Variants in MPRIP observed in about 807,000 individuals in gnomAD.
MPRIP encodes the protein myosin phosphatase Rho interacting protein.
A neutral mutation model predicts 234.9 loss-of-function variants in MPRIP; 59 were observed. That is an observed-to-expected ratio of 0.25 (90% CI 0.20 to 0.31). The LOEUF is 0.31. MPRIP is among the 10% of genes least tolerant of loss of function. The probability of loss-of-function intolerance (pLI) is 1.00; values close to 1 mark genes in which losing one functional copy is unlikely to be tolerated. For missense variants in MPRIP, 2,436 were observed against 3,071.0 expected (o/e 0.79, Z 4.89); for synonymous variants, 1,144 against 1,263.9 (o/e 0.91, Z 2.01).
chr17:17,149,518 A>C (rs2045551081), intron 11 of MPRIP, among the ~76,000 whole-genome samples: 1 of 151,978 alleles, frequency 6.6e-6, no homozygotes, highest in Admixed American at 6.6e-5. Context: ...TTCCGTATTG[A>C]ACAGATGGAA....
At chr17:17,055,838 G>C (rs932126428) in intron 1 of MPRIP, among the ~76,000 whole-genome samples, 2 of 152,196 alleles carry the variant, frequency 1.3e-5, no homozygotes, top group African/African-American at 4.8e-5. Flanking sequence ...ATTGTTTTGT[G>C]GCGCTGTTGG....
chr17:17,137,184 A>C (rs2090718971), intron 6 of MPRIP, among the ~76,000 whole-genome samples: 1 of 152,090 alleles, frequency 6.6e-6, no homozygotes, highest in African/African-American at 2.4e-5. Flanking sequence ...ACTTCTGTAG[A>C]AGTCCCCTGC....
In MPRIP at chr17:17,142,440, G is replaced by T; in HGVS notation, c.1251-187G>T. On this transcript the variant is annotated intron_variant, in intron 7 of 23. Transcript: ENST00000651222. ...GGTAGGGGCAAGCGCAGGCCTGATG[G>T]GAGGGAGGGCCGTGGAGGGGTGCAG... is the stretch of plus-strand genomic sequence containing the variant. The T allele has an allele frequency of 4.9e-6, 3 of 617,790 alleles. No homozygotes were observed. The East Asian group carries it at 8.8e-5, about 18-fold the overall frequency. The allele number at this position is 617,790 out of a possible 1,614,324, so 38.3% of individuals were successfully genotyped here. A position where few individuals can be genotyped will look rare whatever the true frequency, so the allele number is the denominator to read the frequency against.
chr17:17,144,183 C>G (rs2045405485), intron 9 of MPRIP, among the ~76,000 whole-genome samples: 1 of 152,166 alleles, frequency 6.6e-6, no homozygotes, highest in Admixed American at 6.5e-5. Flanking sequence ...GCATGCTGAC[C>G]CAGCTCCTAC....
At chr17:17,104,787 C>T (rs1234348437) in intron 3 of MPRIP, among the ~76,000 whole-genome samples, 5 of 152,202 alleles carry the variant, frequency 3.3e-5, no homozygotes, top group Middle Eastern at 3.2e-3. Context: ...GTCTCCCTTC[C>T]ATCTTTCATA....
At chr17:17,125,194 G>T (rs1266536644) in intron 3 of MPRIP, among the ~76,000 whole-genome samples, 1 of 152,254 alleles carries the variant, frequency 6.6e-6, no homozygotes, top group African/African-American at 2.4e-5. Context: ...AGAGCACTGA[G>T]CTGGGCTTGA....
chr17:17,106,469 C>T (rs548582975), intron 3 of MPRIP, among the ~76,000 whole-genome samples: 45 of 152,324 alleles, frequency 3.0e-4, no homozygotes, highest in Non-Finnish European at 5.7e-4. Flanking sequence ...GCAGCAAGAG[C>T]GCTCTGGAGC....
In MPRIP at chr17:17,166,312, C is replaced by A; in HGVS notation, c.4721C>A (p.Ser1574Ter). The change falls in exon 16 of 24, where the codon TCG (serine) becomes TAG (stop). Residue 1574 changes from serine to a stop codon, truncating the protein, a stop_gained. Transcript: ENST00000651222. LOFTEE classifies it high-confidence loss of function. This position sits in a 1 kb window ranked among gnomAD's most constrained non-coding sequence, Gnocchi z 4.4. ...TCTGACCAGATTGCTCTGGAGGCCT[C>A]GCTGATCAGCCAGATAGCAGATTCC... ...LLSDQIALEA[S>*]LISQIADSLK... 1 of 1,304,488 alleles carries A rather than the reference C, an allele frequency of 7.7e-7. No individual in the cohort carries two copies. Among genetic ancestry groups the A allele is most frequent in the Non-Finnish European group, 1.0e-6 (1 of 989,030 alleles). The allele number at this position is 1,304,488 out of a possible 1,614,324, so 80.8% of individuals were successfully genotyped here. A position where few individuals can be genotyped will look rare whatever the true frequency, so the allele number is the denominator to read the frequency against.
intron 5 of MPRIP, among the ~76,000 whole-genome samples, chr17:17,132,948 G>C (rs921824719): frequency 2.6e-5 from 4 of 152,196 alleles, no homozygotes; most frequent in African/African-American, 9.7e-5. Context: ...ACAGCGTTTA[G>C]GGTTACACTG....
rs375914784 is a variant in MPRIP at position 17,137,924 on chromosome 17, G to A, written c.745G>A (p.Ala249Thr). 72 of 1,603,926 alleles carry A rather than the reference G, an allele frequency of 4.5e-5. No individual in the cohort carries two copies. Among genetic ancestry groups the A allele is most frequent in the African/African-American group, 4.3e-4 (32 of 74,328 alleles). The stretch of plus-strand genomic sequence containing the variant: ...CCCACTGTCTCTTCCAGAGGAGAGC[G>A]CCATGAGTAGCGACCGCATGGACTG... ...PGLESKEEESAMSSDRMDCGR... is the reference protein window; with the variant it reads ...PGLESKEEESTMSSDRMDCGR... The change falls in exon 7 of 24, where the codon GCC (alanine) becomes ACC (threonine). Residue 249 changes from alanine (A) to threonine (T), a missense_variant. Coordinates refer to ENST00000651222, the MANE Select transcript of MPRIP (RefSeq NM_001364716.4).
At chr17:17,048,105 GAGCCTGCA>G (rs1360780231) in intron 1 of MPRIP, among the ~76,000 whole-genome samples, 1 of 152,182 alleles carries the variant, frequency 6.6e-6, no homozygotes, top group Admixed American at 6.5e-5. Context: ...TCTGTGGAAG[GAGCCTGCA>G]AGCCTGTTTC....
At chr17:17,061,408 G>T (rs1173636728) in intron 1 of MPRIP, among the ~76,000 whole-genome samples, 2 of 152,252 alleles carry the variant, frequency 1.3e-5, no homozygotes, top group East Asian at 3.8e-4. Flanking sequence ...GAGTGTGGAA[G>T]TGTTTCCACA....
At chr17:17,094,561 T>C (rs892272159) in intron 3 of MPRIP, among the ~76,000 whole-genome samples, 2 of 152,000 alleles carry the variant, frequency 1.3e-5, no homozygotes, top group African/African-American at 2.4e-5. Flanking sequence ...GTGTGTCTTA[T>C]ATTTTCTTCC....
intron 1 of MPRIP, among the ~76,000 whole-genome samples, chr17:17,054,746 G>A (rs1385198383): frequency 6.6e-6 from 1 of 151,946 alleles, no homozygotes; most frequent in African/African-American, 2.4e-5. Flanking sequence ...TGTAAGGACT[G>A]AACTGATTTT....
In MPRIP at chr17:17,174,004, G is replaced by A; in HGVS notation, c.6679G>A (p.Ala2227Thr). The A allele has an allele frequency of 6.2e-7, 1 of 1,613,722 alleles. No individual in the cohort carries two copies. Among genetic ancestry groups the A allele is most frequent in the South Asian group, 1.1e-5 (1 of 91,090 alleles). Residue 2227 changes from alanine to threonine, a missense_variant, in exon 19 of 24, where the codon GCG becomes ACG. Coordinates refer to ENST00000651222, the MANE Select transcript of MPRIP (RefSeq NM_001364716.4). ...CCTGGAGAATGCCCATCTGGCCCAG[G>A]CGCTGGAGGCCGAGCGGCAGGCCCT... ...KCLENAHLAQ[A>T]LEAERQALRQ... is the part of the protein sequence containing the mutation.
intron 3 of MPRIP, among the ~76,000 whole-genome samples, chr17:17,125,552 A>G (rs1234131104): frequency 1.3e-5 from 2 of 152,234 alleles, no homozygotes; most frequent in East Asian, 1.9e-4. Context: ...CAGGAAGATC[A>G]CAGGAGCTTG....
intron 14 of MPRIP, 89 bp from the exon 15 acceptor site, chr17:17,161,151 A>G (rs1001893613): frequency 1.2e-6 from 1 of 869,272 alleles, no homozygotes; most frequent in Admixed American, 2.7e-5. Context: ...CTTGGGCCAC[A>G]TGGAAGACCA....
Position 17,146,053 on chromosome 17 carries a change from C to T in MPRIP, c.1521C>T (p.Phe507=), listed in dbSNP as rs138444670. 7.2e-5 allele frequency: 117 copies of T among 1,614,022 alleles called. No homozygotes were observed. Among genetic ancestry groups the T allele is most frequent in the Non-Finnish European group, 9.2e-5 (109 of 1,180,028 alleles). Reference sequence around the variant, plus strand: ...TTTCTCAGCCCGACCTGCTGAATTTCAAGAAAGGCTGGCTGACTAAGCAGT... The same window carrying T: ...TTTCTCAGCCCGACCTGCTGAATTTTAAGAAAGGCTGGCTGACTAAGCAGT... ...EPSVTPDLLN[F]KKGWLTKQYE... Residue 507 remains phenylalanine, a synonymous_variant, in exon 10 of 24, where the codon TTC becomes TTT. Coordinates refer to ENST00000651222, the MANE Select transcript of MPRIP (RefSeq NM_001364716.4).
intron 3 of MPRIP, among the ~76,000 whole-genome samples, chr17:17,092,622 T>G (rs979820497): frequency 2.0e-5 from 3 of 152,156 alleles, no homozygotes; most frequent in Non-Finnish European, 4.4e-5. Flanking sequence ...GATCAGACCC[T>G]GCGCTGAGCT....
Sources: allele counts gnomAD v4.1 joint callset (sites outside exome capture counted in the v4.1 genomes callset), GRCh38; gene constraint gnomAD v4.1.1; non-coding constraint Gnocchi (gnomAD v3.1); transcripts MANE v1.5; gene names NCBI Gene and HGNC (gene_info 2026-07-23, HGNC 2026-07-21).